The following SLC24A3 variants were observed in gnomAD, a reference collection of about 807,000 sequenced individuals.
SLC24A3 encodes sodium/potassium/calcium exchanger 3.
Under a neutral mutation model 75.8 loss-of-function variants are expected in SLC24A3, and 28 were observed. The ratio of observed to expected loss-of-function variants is 0.37; its 90% CI spans 0.27 to 0.51. The LOEUF is 0.51. SLC24A3 is among the 20% of genes least tolerant of loss of function. The pLI, the probability that SLC24A3 is intolerant of heterozygous loss-of-function variation, is 0.94. For synonymous variants in SLC24A3, 372 were observed against 334.1 expected (o/e 1.11, Z -1.24); for missense variants, 663 against 847.8 (o/e 0.78, Z 2.71).
chr20:19,630,370 A>G (rs2031918264), intron 6 of SLC24A3, among the ~76,000 whole-genome samples: 1 of 152,248 alleles, frequency 6.6e-6, no homozygotes, highest in African/African-American at 2.4e-5. Context: ...GACTTAAATG[A>G]TCAAAATGAC....
chr20:19,370,981 C>A (rs1302818401), intron 2 of SLC24A3, among the ~76,000 whole-genome samples: 1 of 152,158 alleles, frequency 6.6e-6, no homozygotes, highest in East Asian at 1.9e-4. Context: ...GAGATTTTAA[C>A]TCACTAGAAC....
intron 2 of SLC24A3, among the ~76,000 whole-genome samples, chr20:19,327,630 T>TAACAATGA (rs1287598722): frequency 6.6e-6 from 1 of 152,232 alleles, no homozygotes; most frequent in African/African-American, 2.4e-5. Flanking sequence ...GCATGTGGTC[T>TAACAATGA]TTGTCGTCAT....
At chr20:19,678,202 C>G (rs6046240) in intron 9 of SLC24A3, among the ~76,000 whole-genome samples, 21,055 of 148,350 alleles carry the variant, frequency 0.14, 1,512 homozygotes, top group Non-Finnish European at 0.17. Context: ...CATCCTGGCC[C>G]GTTCTCAATG....
At chr20:19,538,673 G>A (rs116090948) in intron 3 of SLC24A3, among the ~76,000 whole-genome samples, 1,648 of 152,260 alleles carry the variant, frequency 0.011, 30 homozygotes, top group African/African-American at 0.037. Flanking sequence ...GCTTCTGGAG[G>A]AACATAAATT....
At chr20:19,541,440 G>C (rs1024904115) in intron 3 of SLC24A3, among the ~76,000 whole-genome samples, 3 of 152,204 alleles carry the variant, frequency 2.0e-5, no homozygotes, top group Non-Finnish European at 4.4e-5. Flanking sequence ...CAAGCCCTCT[G>C]TATTAGCACG....
chr20:19,296,262 A>T (rs1263760942), intron 2 of SLC24A3, among the ~76,000 whole-genome samples: 3 of 99,102 alleles, frequency 3.0e-5, no homozygotes, highest in African/African-American at 4.1e-5. Flanking sequence ...TAGTCTAGCT[A>T]GTGGTCTTTT....
chr20:19,688,064 G>A (rs1412910034), intron 12 of SLC24A3, among the ~76,000 whole-genome samples: 2 of 152,214 alleles, frequency 1.3e-5, no homozygotes, highest in East Asian at 1.9e-4. Flanking sequence ...GGGTCTCCAT[G>A]TCATTCAAGG....
intron 3 of SLC24A3, among the ~76,000 whole-genome samples, chr20:19,530,804 C>T (rs1035119012): frequency 4.6e-5 from 7 of 152,068 alleles, no homozygotes; most frequent in Non-Finnish European, 7.4e-5. Flanking sequence ...ACAGTAGCTG[C>T]GAGCTTGAGC....
chr20:19,312,200 A>G (rs1984473722), intron 2 of SLC24A3, among the ~76,000 whole-genome samples: 1 of 152,148 alleles, frequency 6.6e-6, no homozygotes, highest in African/African-American at 2.4e-5. Flanking sequence ...TCAGGGGTGT[A>G]AGACACAAAG....
chr20:19,450,828 A>G (rs1035501762), intron 2 of SLC24A3, among the ~76,000 whole-genome samples: 5 of 152,030 alleles, frequency 3.3e-5, no homozygotes, highest in South Asian at 2.1e-4. Flanking sequence ...GTGAAACCCC[A>G]TCTCTACTAA....
At chr20:19,465,560 T>C (rs1189265662) in intron 2 of SLC24A3, among the ~76,000 whole-genome samples, 1 of 152,156 alleles carries the variant, frequency 6.6e-6, no homozygotes, top group Non-Finnish European at 1.5e-5. Context: ...ATATTAGTGA[T>C]TCTATAGAAC....
At chr20:19,436,309 C>T (rs1987201562) in intron 2 of SLC24A3, among the ~76,000 whole-genome samples, 1 of 152,070 alleles carries the variant, frequency 6.6e-6, no homozygotes, top group Non-Finnish European at 1.5e-5. Context: ...GTAAAAGGAC[C>T]CAAGTAGAAT....
At chr20:19,294,167 AT>A (rs149011982) in intron 2 of SLC24A3, among the ~76,000 whole-genome samples, 5,919 of 152,136 alleles carry the variant, frequency 0.039, 379 homozygotes, top group African/African-American at 0.14. Flanking sequence ...TTTTCCAATT[AT>A]TTTTTAATGG....
At chr20:19,223,295 G>A (rs1052383219) in intron 1 of SLC24A3, among the ~76,000 whole-genome samples, 3 of 52,470 alleles carry the variant, frequency 5.7e-5, no homozygotes, top group Admixed American at 5.7e-4. Context: ...TCTGTCTCGG[G>A]GTGGTGCGGT....
intron 6 of SLC24A3, among the ~76,000 whole-genome samples, chr20:19,645,140 A>G (rs1018630524): frequency 6.6e-6 from 1 of 152,204 alleles, no homozygotes; most frequent in African/African-American, 2.4e-5. Flanking sequence ...ATAAGGAAAC[A>G]CATATATTAA....
At chr20:19,462,242 T>A (rs1780486364) in intron 2 of SLC24A3, among the ~76,000 whole-genome samples, 1 of 151,676 alleles carries the variant, frequency 6.6e-6, no homozygotes. Flanking sequence ...TCTGATTCCG[T>A]GGGTGTGGGG....
intron 2 of SLC24A3, among the ~76,000 whole-genome samples, chr20:19,353,773 T>C (rs1200082739): frequency 6.6e-6 from 1 of 152,192 alleles, no homozygotes; most frequent in Non-Finnish European, 1.5e-5. Flanking sequence ...AAAATTGCCA[T>C]GAGATAGTAC....
intron 2 of SLC24A3, among the ~76,000 whole-genome samples, chr20:19,355,867 T>G (rs1985671937): frequency 6.6e-6 from 1 of 152,208 alleles, no homozygotes; most frequent in African/African-American, 2.4e-5. Context: ...GATAAAGTCA[T>G]GGAAATTGCT....
Position 19,468,489 on chromosome 20 carries a change from T to A in SLC24A3, c.272-46999T>A, listed in dbSNP as rs182465378. Among the ~76,000 whole-genome samples the A allele has an allele frequency of 2.5e-4, 38 of 151,778 alleles. No homozygotes were observed. The East Asian group carries it at 7.0e-3, about 28-fold the overall frequency. On this transcript the variant is annotated intron_variant, in intron 2 of 16. Coordinates refer to ENST00000328041, the MANE Select transcript of SLC24A3 (RefSeq NM_020689.4). ...GTATAGAGACCAGGAGGCTGGGAGATTTGGTGGAGAAGGTGAAAATCTCGT... is the reference window on the plus strand; with the variant it reads ...GTATAGAGACCAGGAGGCTGGGAGAATTGGTGGAGAAGGTGAAAATCTCGT...
Sources: gnomAD v4.1 joint callset for allele counts (sites outside exome capture counted in the v4.1 genomes callset) on GRCh38, gnomAD v4.1.1 for gene constraint, MANE v1.5 for transcripts, NCBI Gene and HGNC (gene_info 2026-07-23, HGNC 2026-07-21) for gene names.